Variants in BCAS4 observed in about 807,000 individuals in gnomAD.
BCAS4 encodes breast carcinoma amplified sequence 4.
Under a neutral mutation model 15.7 loss-of-function variants are expected in BCAS4, and 9 were observed. The observed-to-expected ratio is 0.57, with a 90% CI of 0.34 to 1.00. The LOEUF (loss-of-function observed/expected upper bound fraction) is 1.00, where lower values mean the gene tolerates loss of function less well. Among genes scored for constraint, BCAS4 ranks in the 50% least tolerant of loss-of-function variants. BCAS4 has a pLI of 0.02. For synonymous variants in BCAS4, 101 were observed against 99.5 expected (o/e 1.02, Z -0.09); for missense variants, 225 against 239.1 (o/e 0.94, Z 0.39).
chr20:50,818,078 G>A (rs1329866980), intron 1 of BCAS4, 133 bp from the exon 2 acceptor site: 4 of 783,296 alleles, frequency 5.1e-6, no homozygotes, highest in Non-Finnish European at 8.3e-6. Flanking sequence ...AAAGGAGGCA[G>A]TGGAAGGGGG....
chr20:50,820,375 T>A (rs1234740479), intron 2 of BCAS4, among the ~76,000 whole-genome samples: 1 of 152,152 alleles, frequency 6.6e-6, no homozygotes, highest in East Asian at 1.9e-4. Context: ...AGGCTTCGTA[T>A]AACAGGTGGT....
At chr20:50,796,762 G>A (rs1234612549) in intron 1 of BCAS4, among the ~76,000 whole-genome samples, 4 of 151,192 alleles carry the variant, frequency 2.6e-5, no homozygotes, top group African/African-American at 4.9e-5. Flanking sequence ...CCAAAGTGTT[G>A]GGATTACAGG....
chr20:50,836,339 G>T (rs956022225), intron 3 of BCAS4, among the ~76,000 whole-genome samples: 3 of 152,148 alleles, frequency 2.0e-5, no homozygotes, highest in African/African-American at 7.2e-5. Flanking sequence ...GCTCTGATCT[G>T]CCCCTTTGGT....
At chr20:50,875,271 G>A (rs1235669459) in intron 4 of BCAS4, among the ~76,000 whole-genome samples, 1 of 152,222 alleles carries the variant, frequency 6.6e-6, no homozygotes, top group African/African-American at 2.4e-5. Flanking sequence ...TTTTCCTGGA[G>A]ATGCTCAGCA....
At chr20:50,848,771 C>T (rs531332789) in intron 4 of BCAS4, among the ~76,000 whole-genome samples, 1 of 152,366 alleles carries the variant, frequency 6.6e-6, no homozygotes, top group Non-Finnish European at 1.5e-5. Flanking sequence ...AATGTTTCCT[C>T]CCCTGGAAAT....
intron 1 of BCAS4, among the ~76,000 whole-genome samples, chr20:50,808,732 A>G (rs2088024617): frequency 6.6e-6 from 1 of 151,956 alleles, no homozygotes; most frequent in South Asian, 2.1e-4. Context: ...TATTCTGGAT[A>G]TTAATCCCTT....
Position 50,850,378 on chromosome 20 carries a change from C to T in BCAS4, c.399+8478C>T, listed in dbSNP as rs146427021. Among the ~76,000 whole-genome samples the T allele has an allele frequency of 2.6e-5, 4 of 152,208 alleles. No individual in the cohort carries two copies. In the East Asian group the frequency reaches 7.7e-4, roughly 29 times the overall value. On this transcript the variant is annotated intron_variant, in intron 4 of 4. Coordinates refer to ENST00000371608, the MANE Select transcript of BCAS4 (RefSeq NM_198799.4). ...TTGATCCAGCTTTGACCTTGGTCAG[C>T]TGGTCAGGTGTGTCTCTACCTCCCT...
intron 4 of BCAS4, among the ~76,000 whole-genome samples, chr20:50,845,850 A>G (rs551729879): frequency 5.4e-4 from 82 of 152,366 alleles, no homozygotes; most frequent in African/African-American, 1.8e-3. Context: ...GGGAGGAGCC[A>G]CACCACTCAC....
At chr20:50,833,133 G>T (rs1039423728) in intron 3 of BCAS4, 7 of 152,476 alleles carry the variant, frequency 4.6e-5, no homozygotes, top group African/African-American at 1.4e-4. Context: ...GTGTTAGGTG[G>T]GTGCAGCTCA....
At chr20:50,829,933 C>T (rs1007137038) in intron 2 of BCAS4, among the ~76,000 whole-genome samples, 1 of 152,138 alleles carries the variant, frequency 6.6e-6, no homozygotes, top group Non-Finnish European at 1.5e-5. Flanking sequence ...ACTGGACTGA[C>T]TTTGACTTTG....
chr20:50,816,791 A>ATTTTTTTTT lies in BCAS4; in HGVS notation c.91-1397_91-1389dup, dbSNP rs35600563. On this transcript the variant is annotated intron_variant, in intron 1 of 4. Transcript: ENST00000371608. ...AGACATGCACCACCATGCCTGGCTAATTTTTTTTTTTTTTTTTTTTTTTTT... is the reference window on the plus strand; with the variant it reads ...AGACATGCACCACCATGCCTGGCTAATTTTTTTTTTTTTTTTTTTTTTTTTTTTTTTTTT... Among the ~76,000 whole-genome samples the ATTTTTTTTT allele has an allele frequency of 1.2e-3, 97 of 80,914 alleles. 4 individuals are homozygous for ATTTTTTTTT. Among genetic ancestry groups the ATTTTTTTTT allele is most frequent in the African/African-American group, 2.0e-3 (32 of 16,144 alleles). 53.1% of individuals were successfully genotyped at this position (80,914 alleles called of 152,430 possible).
intron 1 of BCAS4, among the ~76,000 whole-genome samples, chr20:50,808,650 T>C (rs564442416): frequency 6.6e-6 from 1 of 152,374 alleles, no homozygotes. Flanking sequence ...GCCACTTGTA[T>C]ATCTTGTTTT....
At chr20:50,853,660 G>A (rs1978572539) in intron 4 of BCAS4, among the ~76,000 whole-genome samples, 2 of 40,016 alleles carry the variant, frequency 5.0e-5, no homozygotes, top group African/African-American at 1.5e-4. Flanking sequence ...CTTCTTTGCT[G>A]TGGGGACCAT....
intron 3 of BCAS4, among the ~76,000 whole-genome samples, chr20:50,835,313 C>T (rs1308831109): frequency 3.4e-5 from 5 of 148,544 alleles, no homozygotes; most frequent in East Asian, 3.9e-4. Context: ...GGTGCAGTCT[C>T]GGCTCACTGC....
chr20:50,812,293 C>T (rs1328044309), intron 1 of BCAS4, among the ~76,000 whole-genome samples: 8 of 151,806 alleles, frequency 5.3e-5, no homozygotes, highest in South Asian at 2.1e-4. Flanking sequence ...CTACCACGCC[C>T]GGCTAATTTT....
At position 50,868,952 on chromosome 20, in the gene BCAS4, G is replaced by T. The variant is rs184599907; in HGVS notation, c.400-7534G>T. Among the ~76,000 whole-genome samples, 7 of 152,322 alleles carry T rather than the reference G, an allele frequency of 4.6e-5. No homozygotes were observed. The East Asian group carries it at 1.4e-3, about 29-fold the overall frequency. Reference sequence around the variant, plus strand: ...AGGGCGTCTCAAGGAAGTAGTCAGGGACCCAGGCTTCTCCTGGCTGCTATT... The same window carrying T: ...AGGGCGTCTCAAGGAAGTAGTCAGGTACCCAGGCTTCTCCTGGCTGCTATT... On this transcript the variant is annotated intron_variant, in intron 4 of 4. Transcript: ENST00000371608.
chr20:50,800,026 C>T (rs960135632), intron 1 of BCAS4, among the ~76,000 whole-genome samples: 15 of 152,042 alleles, frequency 9.9e-5, no homozygotes, highest in African/African-American at 2.4e-4. Context: ...CCAGCCTGGG[C>T]GACAGAGTGA....
chr20:50,824,247 T>G (rs991289005), intron 2 of BCAS4, among the ~76,000 whole-genome samples: 5 of 152,256 alleles, frequency 3.3e-5, no homozygotes, highest in African/African-American at 1.2e-4. Context: ...TTCGCTCACA[T>G]AAATGGAGAA....
chr20:50,815,613 C>T (rs1029949762), intron 1 of BCAS4, among the ~76,000 whole-genome samples: 2 of 152,144 alleles, frequency 1.3e-5, no homozygotes, highest in Non-Finnish European at 2.9e-5. Flanking sequence ...CCCCTCTCCC[C>T]GACTGAGGCA....
Sources: allele counts gnomAD v4.1 joint callset (sites outside exome capture counted in the v4.1 genomes callset), GRCh38; gene constraint gnomAD v4.1.1; transcripts MANE v1.5; gene names NCBI Gene and HGNC (gene_info 2026-07-23, HGNC 2026-07-21).